PFDN1: variants seen among roughly 807,000 people sequenced by gnomAD.
The protein encoded by PFDN1 is prefoldin 1.
In PFDN1, 6 loss-of-function variants were observed where a neutral mutation model predicts 17.3. The ratio of observed to expected loss-of-function variants is 0.35; its 90% CI spans 0.19 to 0.69. The LOEUF (loss-of-function observed/expected upper bound fraction) is 0.69, where lower values mean the gene tolerates loss of function less well. Among genes scored for constraint, PFDN1 ranks in the 30% least tolerant of loss-of-function variants. The probability of loss-of-function intolerance (pLI) is 0.65; values close to 1 mark genes in which losing one functional copy is unlikely to be tolerated. For missense variants in PFDN1, 113 were observed against 146.2 expected (o/e 0.77, Z 1.17); for synonymous variants, 58 against 50.1 (o/e 1.16, Z -0.67).
At chr5:140,272,516 C>T (rs763200993) in intron 3 of PFDN1, among the ~76,000 whole-genome samples, 20 of 151,296 alleles carry the variant, frequency 1.3e-4, no homozygotes, top group Non-Finnish European at 2.2e-4. Context: ...CCCACCACCA[C>T]GCCCGGCTAA....
At chr5:140,296,413 G>A (rs1049720131) in intron 2 of PFDN1, among the ~76,000 whole-genome samples, 2 of 152,076 alleles carry the variant, frequency 1.3e-5, no homozygotes, top group Admixed American at 6.5e-5. Flanking sequence ...TGGGAAGACC[G>A]ACCCATTTAA....
chr5:140,300,196 T>C (rs531851379), intron 2 of PFDN1, among the ~76,000 whole-genome samples: 1 of 152,168 alleles, frequency 6.6e-6, no homozygotes, highest in Non-Finnish European at 1.5e-5. Flanking sequence ...AGTGCCACCA[T>C]GCTCAGCTAA....
At chr5:140,295,954 G>A (rs1934295617) in intron 2 of PFDN1, among the ~76,000 whole-genome samples, 1 of 152,010 alleles carries the variant, frequency 6.6e-6, no homozygotes, top group East Asian at 1.9e-4. Context: ...TATTCTCTAA[G>A]GATTATACTA....
At chr5:140,274,956 G>A (rs1347102819) in intron 3 of PFDN1, among the ~76,000 whole-genome samples, 1 of 143,312 alleles carries the variant, frequency 7.0e-6, no homozygotes, top group Non-Finnish European at 1.5e-5. Context: ...TTGTGATACT[G>A]CACCCCAGCC....
intron 3 of PFDN1, among the ~76,000 whole-genome samples, chr5:140,265,105 G>A (rs980643599): frequency 8.1e-4 from 123 of 152,102 alleles, no homozygotes; most frequent in Non-Finnish European, 3.5e-4. Context: ...GACTGTGTTC[G>A]GGCATCCCCT....
intron 3 of PFDN1, among the ~76,000 whole-genome samples, chr5:140,271,854 C>CA (rs1016248436): frequency 8.6e-5 from 13 of 150,848 alleles, no homozygotes; most frequent in African/African-American, 1.9e-4. Context: ...AGAAGTGAGG[C>CA]AAAAAAATAG....
chr5:140,263,791 G>A (rs1281435254), intron 3 of PFDN1, among the ~76,000 whole-genome samples: 4 of 151,968 alleles, frequency 2.6e-5, no homozygotes, highest in African/African-American at 9.7e-5. Context: ...GGAGGCTGAG[G>A]TGGGCAGATC....
intron 3 of PFDN1, among the ~76,000 whole-genome samples, chr5:140,263,848 C>T (rs963096402): frequency 2.0e-5 from 3 of 151,196 alleles, no homozygotes; most frequent in Admixed American, 6.6e-5. Flanking sequence ...AGTGAAACCC[C>T]GTCTCTACTA....
intron 3 of PFDN1, among the ~76,000 whole-genome samples, chr5:140,259,048 G>C (rs1182103842): frequency 2.0e-5 from 3 of 152,144 alleles, no homozygotes; most frequent in Non-Finnish European, 4.4e-5. Context: ...TAAAAAGGAG[G>C]GAAATGTGTG....
At chr5:140,273,306 C>G (rs896337461) in intron 3 of PFDN1, among the ~76,000 whole-genome samples, 1 of 151,782 alleles carries the variant, frequency 6.6e-6, no homozygotes, top group Non-Finnish European at 1.5e-5. Context: ...ACAGTAGAGT[C>G]CACCTGACAT....
chr5:140,251,982 A>G (rs532694768), intron 3 of PFDN1, among the ~76,000 whole-genome samples: 1 of 149,552 alleles, frequency 6.7e-6, no homozygotes, highest in East Asian at 2.0e-4. Flanking sequence ...CTCCTTCTCT[A>G]AATTAGTTTT....
chr5:140,286,683 G>GCAAACTA (rs1310615188), intron 2 of PFDN1, among the ~76,000 whole-genome samples: 2 of 126,708 alleles, frequency 1.6e-5, no homozygotes, highest in Non-Finnish European at 3.1e-5. Flanking sequence ...TCAGCTCACT[G>GCAAACTA]CAAACTACGC....
chr5:140,291,323 A>G (rs1174217372), intron 2 of PFDN1, among the ~76,000 whole-genome samples: 1 of 152,162 alleles, frequency 6.6e-6, no homozygotes, highest in Non-Finnish European at 1.5e-5. Flanking sequence ...AAATTTAAAG[A>G]TAGAGTCAAC....
chr5:140,300,419 C>T lies in PFDN1; in HGVS notation c.197G>A (p.Arg66Lys), dbSNP rs753157843. 6.3e-7 allele frequency: 1 copy of T among 1,591,588 alleles called. No homozygotes were observed. ...ATTAAGGACACATTTTACTTACATT[C>T]TTCCTACACCTTCATACATGTTAGT... ...DETNMYEGVG[R>K]MFILQSKEAI... The change falls in exon 2 of 4, where the codon AGA (arginine) becomes AAA (lysine). Residue 66 changes from arginine (R) to lysine (K), a missense_variant. Arg to Lys is a conservative substitution (Grantham distance 26). Coordinates refer to ENST00000261813, the MANE Select transcript of PFDN1 (RefSeq NM_002622.5).
intron 2 of PFDN1, chr5:140,281,773 T>C (rs189174521): frequency 3.7e-4 from 139 of 375,020 alleles, no homozygotes; most frequent in Admixed American, 1.8e-3. Context: ...AACAGTGGTG[T>C]GGGCCTACAG....
At chr5:140,250,378 T>C (rs1022384752) in intron 3 of PFDN1, among the ~76,000 whole-genome samples, 1 of 152,166 alleles carries the variant, frequency 6.6e-6, no homozygotes, top group Non-Finnish European at 1.5e-5. Context: ...GAAGTTCTCT[T>C]CCCCAGATAT....
At chr5:140,264,345 C>A (rs2126683084) in intron 3 of PFDN1, among the ~76,000 whole-genome samples, 1 of 152,252 alleles carries the variant, frequency 6.6e-6, no homozygotes, top group South Asian at 2.1e-4. Flanking sequence ...TGTCATTTAT[C>A]CAAGATGATA....
chr5:140,270,790 G>C (rs1015743329), intron 3 of PFDN1, among the ~76,000 whole-genome samples: 6 of 151,960 alleles, frequency 3.9e-5, no homozygotes, highest in Admixed American at 2.6e-4. Flanking sequence ...GCCGGGCGTG[G>C]TGGCGGGCGC....
intron 3 of PFDN1, 58 bp downstream of exon 3, chr5:140,281,391 C>G (rs1765395926): frequency 8.0e-6 from 6 of 749,906 alleles, no homozygotes; most frequent in South Asian, 4.4e-5. Flanking sequence ...TTTAATATGA[C>G]ACAATAAGAT....
Sources: allele counts gnomAD v4.1 joint callset (sites outside exome capture counted in the v4.1 genomes callset), GRCh38; gene constraint gnomAD v4.1.1; transcripts MANE v1.5; gene names NCBI Gene and HGNC (gene_info 2026-07-23, HGNC 2026-07-21).